The following OGA variants were observed in gnomAD, a reference collection of about 807,000 sequenced individuals.
OGA encodes the protein protein O-GlcNAcase.
OGA carries 21 observed loss-of-function variants against 102.0 expected under a neutral mutation model. That is an observed-to-expected ratio of 0.21 (90% confidence interval 0.15 to 0.30). OGA has a LOEUF of 0.30. Ranked by LOEUF, OGA falls within the 10% of genes least tolerant of loss-of-function variation. OGA has a pLI of 1.00. For missense variants in OGA, 765 were observed against 1,107.8 expected (o/e 0.69, Z 4.39); for synonymous variants, 408 against 378.2 (o/e 1.08, Z -0.91).
chr10:101,803,071 G>A lies in OGA; in HGVS notation c.1036+664C>T, dbSNP rs140291385. Among the ~76,000 whole-genome samples the A allele has an allele frequency of 1.8e-3, 261 of 148,290 alleles. 6 individuals are homozygous for A. In the East Asian group the frequency reaches 0.045, roughly 25 times the overall value. ...CTGGAGAATCGCTTGAACCTGGGAA[G>A]CAGAGGTTGCAGCGAGCTGAGATTG... On this transcript the variant is annotated intron_variant, in intron 7 of 15. Transcript: ENST00000361464.
At chr10:101,790,154 A>G (rs1375733947) in intron 14 of OGA, among the ~76,000 whole-genome samples, 1 of 151,956 alleles carries the variant, frequency 6.6e-6, no homozygotes, top group Non-Finnish European at 1.5e-5. Flanking sequence ...TTAAATCACA[A>G]TGTAGAATGC....
intron 8 of OGA, 73 bp downstream of exon 8, chr10:101,800,169 G>A (rs191007482): frequency 2.3e-4 from 342 of 1,495,974 alleles, no homozygotes; most frequent in Admixed American, 2.3e-3. Context: ...CACCACACCC[G>A]GGAGACAGTG....
In OGA at chr10:101,785,108, A is replaced by C. The variant is rs1046751503; in HGVS notation, c.*1343T>G. 14 of 152,222 alleles carry C rather than the reference A, an allele frequency of 9.2e-5. No individual in the cohort carries two copies. The highest frequency in any genetic ancestry group is 3.4e-4 in the African/African-American group (14 of 41,450). The allele number at this position is 152,222 out of a possible 1,614,324, so 9.4% of individuals were successfully genotyped here. A position where few individuals can be genotyped will look rare whatever the true frequency, so the allele number is the denominator to read the frequency against. On this transcript the variant is annotated 3_prime_UTR_variant, in exon 16 of 16. Coordinates refer to ENST00000361464, the MANE Select transcript of OGA (RefSeq NM_012215.5). ...CAGCTCAAAGTTAAACAGCTGATGC[A>C]AAACTACAGAGAAGCAAGATAACAA...
intron 12 of OGA, among the ~76,000 whole-genome samples, chr10:101,792,144 G>A (rs993590084): frequency 6.6e-5 from 10 of 152,068 alleles, no homozygotes; most frequent in South Asian, 6.2e-4. Flanking sequence ...TCAGCCTCCC[G>A]AGTAGCTGGG....
At position 101,818,203 on chromosome 10, in the gene OGA, G is replaced by C; in HGVS notation, c.-181C>G. The C allele has an allele frequency of 7.4e-7, 1 of 1,349,430 alleles. No homozygotes were observed. The allele number at this position is 1,349,430 out of a possible 1,614,324, so 83.6% of individuals were successfully genotyped here. On this transcript the variant is annotated 5_prime_UTR_variant, in exon 1 of 16. Transcript: ENST00000361464. ...GGACCCGAATGCCCGGATGAGAAGG[G>C]CGGCGGCACCGGCGCGAGCCCTTTG...
rs1179579017 is a variant in OGA, at chr10:101,818,164, C to T, written c.-142G>A. ...TTCCCCTCCCCCTCTGCCCTTCCCCCTCCCTCTCCGCAGGGACCCGAATGC... is the reference window on the plus strand; with the variant it reads ...TTCCCCTCCCCCTCTGCCCTTCCCCTTCCCTCTCCGCAGGGACCCGAATGC... On this transcript the variant is annotated 5_prime_UTR_variant, in exon 1 of 16. Transcript: ENST00000361464. 7.3e-7 allele frequency: 1 copy of T among 1,367,332 alleles called. No individual in the cohort carries two copies. The highest frequency in any genetic ancestry group is 1.5e-5 in the African/African-American group (1 of 65,522). 84.7% of individuals were successfully genotyped at this position (1,367,332 alleles called of 1,614,324 possible). A position where few individuals can be genotyped will look rare whatever the true frequency, so the allele number is the denominator to read the frequency against.
At chr10:101,812,351 T>C (rs2065569787) in intron 3 of OGA, among the ~76,000 whole-genome samples, 1 of 152,020 alleles carries the variant, frequency 6.6e-6, no homozygotes, top group African/African-American at 2.4e-5. Context: ...AGGTTTGCAG[T>C]TAGCCGAGAT....
Position 101,803,865 on chromosome 10 carries a change from T to G in OGA, c.906A>C (p.Glu302Asp). ...GGACTCCTTTTAACCGTGGGATGAG[T>G]TCTGTGGATCTTCCTTTGTACGGGC... ...FLGPYKGRST[E>D]LIPRLKGVLT... Residue 302 changes from glutamate (E) to aspartate (D), a missense_variant, in exon 7 of 16, where the codon GAA (glutamate) becomes GAC (aspartate). Physicochemically the swap from Glu to Asp is conservative, Grantham distance 45. Coordinates refer to ENST00000361464, the MANE Select transcript of OGA (RefSeq NM_012215.5). 6.2e-7 allele frequency: 1 copy of G among 1,614,184 alleles called. No individual in the cohort carries two copies. The highest frequency in any genetic ancestry group is 8.5e-7 in the Non-Finnish European group (1 of 1,180,042).
In OGA at chr10:101,804,030, C is replaced by A; in HGVS notation, c.752-11G>T. On this transcript the variant is annotated splice_polypyrimidine_tract_variant and intron_variant, in intron 6 of 15. Transcript: ENST00000361464. Reference sequence around the variant, plus strand: ...AAACAACTTTGGGACCTAGAAATAACGACAACCGTTCGTTAAAAGAATCAT... The same window carrying A: ...AAACAACTTTGGGACCTAGAAATAAAGACAACCGTTCGTTAAAAGAATCAT... 1 of 1,601,782 alleles carries A rather than the reference C, an allele frequency of 6.2e-7. No individual in the cohort carries two copies. Among genetic ancestry groups the A allele is most frequent in the Non-Finnish European group, 8.5e-7 (1 of 1,173,096 alleles).
intron 15 of OGA, 71 bp from the exon 16 acceptor site, chr10:101,786,658 A>AT: frequency 8.0e-7 from 1 of 1,242,242 alleles, no homozygotes. Context: ...ATAAAACTAT[A>AT]ATCTTCGAGA....
At chr10:101,804,553 G>A (rs1028667978) in intron 6 of OGA, among the ~76,000 whole-genome samples, 2 of 151,992 alleles carry the variant, frequency 1.3e-5, no homozygotes, top group African/African-American at 2.4e-5. Flanking sequence ...GATTACAGGC[G>A]TGAGCCACTG....
chr10:101,787,400 T>A lies in OGA; in HGVS notation c.2578A>T (p.Met860Leu). 1 of 1,614,044 alleles carries A rather than the reference T, an allele frequency of 6.2e-7. No individual in the cohort carries two copies. The highest frequency in any genetic ancestry group is 8.5e-7 in the Non-Finnish European group (1 of 1,179,872). ...AGTGAAGACAGGAGGCAAGCCATCA[T>A]GCTTTTGGCCACACTTGGGTCAGTT... The part of the protein sequence containing the change: ...KVTDPSVAKS[M>L]MACLLSSLKA... The change falls in exon 15 of 16, where the codon ATG (methionine) becomes TTG (leucine). Residue 860 changes from methionine to leucine, a missense_variant. Transcript: ENST00000361464.
intron 7 of OGA, among the ~76,000 whole-genome samples, chr10:101,801,287 G>A (rs1200934409): frequency 6.6e-6 from 1 of 151,884 alleles, no homozygotes; most frequent in Non-Finnish European, 1.5e-5. Flanking sequence ...AGCTACTCGG[G>A]AGGCTGAGGC....
At chr10:101,803,601 T>C (rs1313755716) in intron 7 of OGA, 134 bp downstream of exon 7, 1 of 982,126 alleles carries the variant, frequency 1.0e-6, no homozygotes, top group East Asian at 2.6e-5. Context: ...TCCTCCTTAG[T>C]AAAACAAAAT....
Position 101,818,143 on chromosome 10 carries a change from C to A in OGA, c.-121G>T. ...AGTGTGCGCCCCTCCGGCTCCTTCC[C>A]CTCCCCCTCTGCCCTTCCCCCTCCC... On this transcript the variant is annotated 5_prime_UTR_variant, in exon 1 of 16. Transcript: ENST00000361464. 2.2e-6 allele frequency: 3 copies of A among 1,389,696 alleles called. No homozygotes were observed. The highest frequency in any genetic ancestry group is 2.5e-4 in the Middle Eastern group (1 of 4,018). The allele number at this position is 1,389,696 out of a possible 1,614,324, so 86.1% of individuals were successfully genotyped here.
In OGA at chr10:101,805,547, T is replaced by C. The variant is rs550238212; in HGVS notation, c.751+498A>G. ...GCGTGTGCCTGTAATCCCAGCTACT[T>C]GGGAGGCTGAGTCAGGAGAATTGCT... On this transcript the variant is annotated intron_variant, in intron 6 of 15. Transcript: ENST00000361464. Among the ~76,000 whole-genome samples, 233 of 145,136 alleles carry C rather than the reference T, an allele frequency of 1.6e-3. 7 individuals are homozygous for C. In the South Asian group the frequency reaches 0.05, roughly 31 times the overall value.
chr10:101,810,457 TAAC>T (rs1453068561), intron 3 of OGA, 143 bp from the exon 4 acceptor site: 3 of 725,862 alleles, frequency 4.1e-6, no homozygotes, highest in East Asian at 5.4e-5. Context: ...ATGTCCAACT[TAAC>T]AACAGGCCAT....
At chr10:101,792,736 C>A (rs752278084) in intron 12 of OGA, 103 bp downstream of exon 12, 41 of 733,450 alleles carry the variant, frequency 5.6e-5, no homozygotes, top group Non-Finnish European at 7.5e-5. Flanking sequence ...CTAAAGTTTG[C>A]AGTTTTAAGA....
intron 3 of OGA, among the ~76,000 whole-genome samples, chr10:101,811,616 T>C (rs888698371): frequency 1.3e-5 from 2 of 152,036 alleles, no homozygotes; most frequent in South Asian, 4.1e-4. Flanking sequence ...GGCGGGAGGA[T>C]TGCTTGAGCC....
Sources: gnomAD v4.1 joint callset for allele counts (sites outside exome capture counted in the v4.1 genomes callset) on GRCh38, gnomAD v4.1.1 for gene constraint, MANE v1.5 for transcripts, NCBI Gene and HGNC (gene_info 2026-07-23, HGNC 2026-07-21) for gene names.